FKBP15: variants seen among roughly 807,000 people sequenced by gnomAD.
FKBP15 encodes FK506-binding protein 15.
A neutral mutation model predicts 158.1 loss-of-function variants in FKBP15; 106 were observed. That is an observed-to-expected ratio of 0.67 (90% CI 0.57 to 0.79). The LOEUF is 0.79. Among genes scored for constraint, FKBP15 ranks in the 30% least tolerant of loss-of-function variants. The pLI, the probability that FKBP15 is intolerant of heterozygous loss-of-function variation, is 0.00. For missense variants in FKBP15, 1,287 were observed against 1,479.1 expected (o/e 0.87, Z 2.13); for synonymous variants, 547 against 548.6 (o/e 1.00, Z 0.04).
At position 113,164,235 on chromosome 9, in the gene FKBP15, CTT is replaced by C. The variant is rs1411991561; in HGVS notation, c.*1841_*1842del. Reference sequence around the variant, plus strand: ...TGGGGCTAATAGAACTGGTAGTACTCTTTATAAGCCTGTCTGAGGACAGAGTC... The same window carrying C: ...TGGGGCTAATAGAACTGGTAGTACTCTATAAGCCTGTCTGAGGACAGAGTC... On this transcript the variant is annotated 3_prime_UTR_variant, in exon 28 of 28. Transcript: ENST00000238256. 1 of 152,126 alleles carries C rather than the reference CTT, an allele frequency of 6.6e-6. No individual in the cohort carries two copies. The highest frequency in any genetic ancestry group is 2.4e-5 in the African/African-American group (1 of 41,422). The allele number at this position is 152,126 out of a possible 1,614,324, so 9.4% of individuals were successfully genotyped here.
rs1337922268 is a variant in FKBP15, at chr9:113,186,282, G to T, written c.1465C>A (p.Pro489Thr). The T allele has an allele frequency of 4.5e-6, 7 of 1,568,924 alleles. No homozygotes were observed. The South Asian group carries it at 7.0e-5, about 16-fold the overall frequency. ...SQLQPVRPLY[P>T]APLSQPPHFQ... ...TGGGGAGGCTGAGAGAGCGGTGCTG[G>T]GTACAAAGGCCGAACGGGCTGCAGC... Residue 489 changes from proline (P) to threonine (T), a missense_variant, in exon 15 of 28, where the codon CCA (proline) becomes ACA (threonine). By Grantham distance (38) the Pro-to-Thr change is conservative. Transcript: ENST00000238256.
chr9:113,186,526 A>T (rs956743799), intron 14 of FKBP15, 163 bp from the exon 15 acceptor site: 8 of 602,660 alleles, frequency 1.3e-5, no homozygotes, highest in Non-Finnish European at 2.4e-5. Context: ...TAAGGACTGC[A>T]GCAGGAGAGT....
intron 20 of FKBP15, 134 bp downstream of exon 20, chr9:113,178,496 A>T: frequency 1.3e-6 from 1 of 793,800 alleles, no homozygotes; most frequent in Non-Finnish European, 2.0e-6. Context: ...GTTTTATACT[A>T]GTCTCCTTTA....
At chr9:113,190,363 C>T (rs1391334761) in intron 12 of FKBP15, 108 bp downstream of exon 12, 11 of 901,744 alleles carry the variant, frequency 1.2e-5, no homozygotes, top group Non-Finnish European at 1.7e-5. Flanking sequence ...TATTAGCTCT[C>T]TAAATAATGA....
intron 24 of FKBP15, 101 bp from the exon 25 acceptor site, chr9:113,170,730 T>A (rs1830193328): frequency 2.5e-6 from 2 of 808,072 alleles, no homozygotes; most frequent in East Asian, 4.9e-5. Context: ...CCATCTTAGA[T>A]CTCTACACTG....
Position 113,184,998 on chromosome 9 carries a change from T to C in FKBP15, c.1499-194A>G, listed in dbSNP as rs1830462171. 6.6e-6 allele frequency among the ~76,000 whole-genome samples: 1 copy of C among 152,156 alleles called. No individual in the cohort carries two copies. Among genetic ancestry groups the C allele is most frequent in the Non-Finnish European group, 1.5e-5 (1 of 68,006 alleles). On this transcript the variant is annotated intron_variant, in intron 15 of 27. Transcript: ENST00000238256. The surrounding 1 kb of genome is among the most constrained non-coding windows in gnomAD (Gnocchi z 4.5). ...GGCAAAAGGGCTTCAAAGTAAACAA[T>C]AACTAAGCCGTGTTCCTGCAAAATG... is the stretch of plus-strand genomic sequence containing the variant.
chr9:113,207,917 C>T (rs1219513423), intron 2 of FKBP15, among the ~76,000 whole-genome samples: 1 of 152,176 alleles, frequency 6.6e-6, no homozygotes, highest in Non-Finnish European at 1.5e-5. Flanking sequence ...GATAGTCCAT[C>T]TATTTTATTT....
intron 6 of FKBP15, among the ~76,000 whole-genome samples, chr9:113,201,148 C>G (rs974572362): frequency 2.7e-5 from 4 of 147,942 alleles, no homozygotes; most frequent in Admixed American, 2.7e-4. Context: ...AAAAAAGGAT[C>G]ATTCTAAATG....
Position 113,166,023 on chromosome 9 carries a change from A to G in FKBP15, c.*55T>C. ...GCCTAGACCCAGGGTTGGCTGTGCA[A>G]AATCATGCTTAGGGAAGGGTTGCAG... is the stretch of plus-strand genomic sequence containing the variant. On this transcript the variant is annotated 3_prime_UTR_variant, in exon 28 of 28. Transcript: ENST00000238256. 1 of 1,556,122 alleles carries G rather than the reference A, an allele frequency of 6.4e-7. No individual in the cohort carries two copies. Among genetic ancestry groups the G allele is most frequent in the Non-Finnish European group, 8.8e-7 (1 of 1,140,512 alleles).
chr9:113,193,921 G>A, intron 10 of FKBP15, 106 bp downstream of exon 10: 1 of 1,308,358 alleles, frequency 7.6e-7, no homozygotes, highest in South Asian at 1.9e-5. Flanking sequence ...ATTTTTTCCA[G>A]TTATTTAAAA....
At position 113,184,646 on chromosome 9, in the gene FKBP15, C is replaced by A. The variant is rs773117383; in HGVS notation, c.1608+49G>T. ...AGTTTACCTACAGTTCTGGCTGCTC[C>A]CTGTTTACATCCCCACTTTCAACAT... is the stretch of plus-strand genomic sequence containing the variant. On this transcript the variant is annotated intron_variant, in intron 16 of 27. Coordinates refer to ENST00000238256, the MANE Select transcript of FKBP15 (RefSeq NM_015258.2). The surrounding 1 kb of genome is among the most constrained non-coding windows in gnomAD (Gnocchi z 4.5). The A allele has an allele frequency of 6.9e-7, 1 of 1,451,804 alleles. No individual in the cohort carries two copies. 89.9% of individuals were successfully genotyped at this position (1,451,804 alleles called of 1,614,324 possible).
intron 12 of FKBP15, among the ~76,000 whole-genome samples, chr9:113,189,769 G>A (rs1028794949): frequency 6.6e-6 from 1 of 152,052 alleles, no homozygotes; most frequent in African/African-American, 2.4e-5. Context: ...GAGAAAGGAC[G>A]ATTATATTCA....
intron 21 of FKBP15, 144 bp downstream of exon 21, chr9:113,176,393 A>T: frequency 1.2e-6 from 1 of 863,774 alleles, no homozygotes; most frequent in Non-Finnish European, 1.7e-6. Context: ...ATGAGATTAG[A>T]GCGGGGAAAA....
intron 1 of FKBP15, among the ~76,000 whole-genome samples, chr9:113,220,936 T>C (rs2233913): frequency 0.11 from 16,594 of 152,078 alleles, 1,240 homozygotes; most frequent in Non-Finnish European, 0.15. Flanking sequence ...ACCGGAGAAA[T>C]TGTGACCCAG....
chr9:113,186,209 C>T (rs911023573), intron 15 of FKBP15, 40 bp downstream of exon 15: 1 of 1,405,526 alleles, frequency 7.1e-7, no homozygotes, highest in Non-Finnish European at 9.9e-7. Context: ...GAAAGCACAG[C>T]AAGAGCGGAA....
At position 113,206,951 on chromosome 9, in the gene FKBP15, C is replaced by T. The variant is rs568982002; in HGVS notation, c.254+261G>A. On this transcript the variant is annotated intron_variant, in intron 3 of 27. Coordinates refer to ENST00000238256, the MANE Select transcript of FKBP15 (RefSeq NM_015258.2). ...TAAATATAAATATCTATCATTCATG[C>T]TATCTCAGTGGAGAGGCTTTCTTTG... 2.5e-3 allele frequency: 1,121 copies of T among 451,140 alleles called. 5 individuals are homozygous for T. The highest frequency in any genetic ancestry group is 3.6e-3 in the Non-Finnish European group (893 of 250,660). 27.9% of individuals were successfully genotyped at this position (451,140 alleles called of 1,614,324 possible).
intron 27 of FKBP15, among the ~76,000 whole-genome samples, chr9:113,167,362 A>G (rs1830115242): frequency 6.6e-6 from 1 of 152,180 alleles, no homozygotes; most frequent in Non-Finnish European, 1.5e-5. Context: ...TATGCTCACT[A>G]ATTAAAAGCT....
rs571195077 is a variant in FKBP15, at chr9:113,163,011, T to G, written c.*3067A>C. ...CAACTGCCCTTTCTTCTGATGGCTA[T>G]TCCTCCACCTTATTCCCAGCCCCTG... On this transcript the variant is annotated 3_prime_UTR_variant, in exon 28 of 28. Transcript: ENST00000238256. The G allele has an allele frequency of 1.3e-5, 15 of 1,175,852 alleles. No individual in the cohort carries two copies. The African/African-American group carries it at 1.9e-4, about 15-fold the overall frequency. The allele number at this position is 1,175,852 out of a possible 1,614,324, so 72.8% of individuals were successfully genotyped here.
At chr9:113,221,165 C>G in intron 1 of FKBP15, 26 bp downstream of exon 1, 2 of 1,595,916 alleles carry the variant, frequency 1.3e-6, no homozygotes, top group South Asian at 1.1e-5. Context: ...GCCACGCCCT[C>G]CAGCGCATAC....
Sources: gnomAD v4.1 joint callset for allele counts (sites outside exome capture counted in the v4.1 genomes callset) on GRCh38, gnomAD v4.1.1 for gene constraint, Gnocchi (gnomAD v3.1) non-coding constraint, MANE v1.5 for transcripts, NCBI Gene and HGNC (gene_info 2026-07-23, HGNC 2026-07-21) for gene names.